ZNF75D: variants seen among roughly 807,000 people sequenced by gnomAD.
The protein encoded by ZNF75D is zinc finger protein 75D, also known as zinc finger protein 75.
Under a neutral mutation model 33.3 loss-of-function variants are expected in ZNF75D, and 33 were observed. The observed-to-expected ratio is 0.99, with a 90% CI of 0.75 to 1.32. ZNF75D has a LOEUF of 1.32. Among genes scored for constraint, ZNF75D ranks in the 40% most tolerant of loss-of-function variants. The pLI is 0.00. For synonymous variants in ZNF75D, 113 were observed against 130.6 expected (o/e 0.87, Z 0.92); for missense variants, 338 against 367.5 (o/e 0.92, Z 0.66).
At chrX:135,333,975 C>T (rs2084680822) in intron 1 of ZNF75D, among the ~76,000 whole-genome samples, 1 of 111,842 alleles carries the variant, frequency 8.9e-6, no homozygotes, top group Non-Finnish European at 1.9e-5. Flanking sequence ...AAAATTCCCC[C>T]TTAATAATCC....
intron 5 of ZNF75D, 107 bp from the exon 6 acceptor site, chrX:135,291,242 C>T (rs1314200220): frequency 9.9e-7 from 1 of 1,009,451 alleles, no homozygotes; most frequent in Non-Finnish European, 1.4e-6. Flanking sequence ...GTGAACAGTA[C>T]AAGATTTAGG....
At chrX:135,300,289 T>G (rs1327511038) in intron 1 of ZNF75D, among the ~76,000 whole-genome samples, 1 of 111,846 alleles carries the variant, frequency 8.9e-6, no homozygotes, top group Non-Finnish European at 1.9e-5. Flanking sequence ...ATGAACTGAA[T>G]GTTATAAAGC....
chrX:135,339,323 C>T (rs149294212), intron 1 of ZNF75D, among the ~76,000 whole-genome samples: 2,503 of 112,067 alleles, frequency 0.022, 61 homozygotes, highest in Admixed American at 0.097. Context: ...TCTTGCTGAC[C>T]AGTCTTCTCA....
intron 1 of ZNF75D, among the ~76,000 whole-genome samples, chrX:135,315,846 A>C (rs2084413696): frequency 8.9e-6 from 1 of 111,957 alleles, no homozygotes; most frequent in Admixed American, 9.4e-5. Context: ...TATCATAGGC[A>C]GCACGTAGTT....
At chrX:135,274,170 T>C (rs1423065982) in intron 1 of ZNF75D, among the ~76,000 whole-genome samples, 1 of 112,176 alleles carries the variant, frequency 8.9e-6, no homozygotes, top group Non-Finnish European at 1.9e-5. Flanking sequence ...TATTTGTATG[T>C]ACACTTATAG....
rs782539023 is a variant in ZNF75D at position 135,287,570 on chromosome X, C to T, written c.1100G>A (p.Cys367Tyr). 1.7e-6 allele frequency: 2 copies of T among 1,211,848 alleles called. No homozygotes were observed. Among genetic ancestry groups the T allele is most frequent in the Non-Finnish European group, 2.2e-6 (2 of 895,490 alleles). The change falls in exon 7 of 7, where the codon TGT becomes TAT. Residue 367 changes from cysteine (C) to tyrosine (Y), a missense_variant. Around this residue, in one of 3 missense-constraint regions of ZNF75D, gnomAD observed 254 missense variants for 267.7 expected, o/e 0.95. Transcript: ENST00000370766. ...TCTGAAGCTTTTCCCACATTCCTGACACTTAAAAGGTTTCTCCCCTGTGGG... is the reference window on the plus strand; with the variant it reads ...TCTGAAGCTTTTCCCACATTCCTGATACTTAAAAGGTTTCTCCCCTGTGGG... ...KGPTGEKPFK[C>Y]QECGKSFRVS...
chrX:135,262,051 A>G (rs2083844729), intron 1 of ZNF75D, among the ~76,000 whole-genome samples: 1 of 111,577 alleles, frequency 9.0e-6, no homozygotes, highest in South Asian at 3.8e-4. Flanking sequence ...TTCACTTATG[A>G]AGCTTAGTTT....
At chrX:135,262,226 C>G (rs1556415660) in intron 1 of ZNF75D, among the ~76,000 whole-genome samples, 1 of 111,830 alleles carries the variant, frequency 8.9e-6, no homozygotes, top group East Asian at 2.8e-4. Context: ...GCCCTTAACA[C>G]TTTTTCCTTC....
chrX:135,292,992 CAT>C (rs1433336310), intron 3 of ZNF75D, among the ~76,000 whole-genome samples: 1 of 112,111 alleles, frequency 8.9e-6, no homozygotes, highest in East Asian at 2.8e-4. Flanking sequence ...TCTCTCTTCA[CAT>C]GATTTGGTAG....
rs375286145 is a variant in ZNF75D at position 135,290,300 on chromosome X, C to A, written c.823+709G>T. Among the ~76,000 whole-genome samples the A allele has an allele frequency of 2.7e-5, 3 of 111,614 alleles. No individual in the cohort carries two copies. The East Asian group carries it at 8.4e-4, about 31-fold the overall frequency. On this transcript the variant is annotated intron_variant, in intron 6 of 6. Transcript: ENST00000370766. Reference sequence around the variant, plus strand: ...CCATTCCTAAATTTAGGGTTTATTTCCAACTAGATCAAAATAAATGTAAGT... The same window carrying A: ...CCATTCCTAAATTTAGGGTTTATTTACAACTAGATCAAAATAAATGTAAGT...
chrX:135,263,299 C>A (rs1461450155), intron 1 of ZNF75D, among the ~76,000 whole-genome samples: 2 of 112,837 alleles, frequency 1.8e-5, no homozygotes, highest in African/African-American at 6.4e-5. Context: ...CATAGTCTGT[C>A]CATTCTCAGA....
chrX:135,308,188 G>A (rs1308014476), intron 1 of ZNF75D, among the ~76,000 whole-genome samples: 2 of 112,318 alleles, frequency 1.8e-5, no homozygotes, highest in Non-Finnish European at 3.8e-5. Context: ...TTGGCATTAC[G>A]TTCTGAGAGC....
intron 1 of ZNF75D, among the ~76,000 whole-genome samples, chrX:135,327,155 T>A (rs781783168): frequency 1.8e-5 from 2 of 112,599 alleles, no homozygotes; most frequent in Non-Finnish European, 3.8e-5. Context: ...GCCATGTCTG[T>A]ATGTAATGAT....
Position 135,319,203 on chromosome X carries a change from CATT to C in ZNF75D, c.-391+22562_-391+22564del, listed in dbSNP as rs1168251251. On this transcript the variant is annotated intron_variant, in intron 1 of 6. Transcript: ENST00000370766. The stretch of plus-strand genomic sequence containing the variant: ...ATTACTGCCATTTCTGTATAGAGAA[CATT>C]ATTTAGAATACCTACTATTGAGTTC... Among the ~76,000 whole-genome samples the C allele has an allele frequency of 6.2e-5, 7 of 112,465 alleles. No individual in the cohort carries two copies. The East Asian group carries it at 2.0e-3, about 31-fold the overall frequency.
intron 1 of ZNF75D, among the ~76,000 whole-genome samples, chrX:135,306,288 TACACACACACAC>T (rs57049630): frequency 8.9e-4 from 74 of 83,230 alleles, no homozygotes; most frequent in South Asian, 2.0e-3. Context: ...CAGAGATACA[TACACACACACAC>T]ACACACACAC....
chrX:135,293,678 A>C (rs2084080965), intron 3 of ZNF75D, 52 bp downstream of exon 3: 1 of 1,079,184 alleles, frequency 9.3e-7, no homozygotes, highest in Admixed American at 2.9e-5. Context: ...CCATTCTGAT[A>C]TATCCACTTT....
At chrX:135,292,591 T>G in intron 3 of ZNF75D, 118 bp from the exon 4 acceptor site, 1 of 561,075 alleles carries the variant, frequency 1.8e-6, no homozygotes. Flanking sequence ...AGAGAAGTAA[T>G]AAAAAGAATG....
chrX:135,320,613 T>A (rs1218438895), intron 1 of ZNF75D, among the ~76,000 whole-genome samples: 3 of 111,871 alleles, frequency 2.7e-5, no homozygotes, highest in African/African-American at 9.8e-5. Flanking sequence ...TGTTTATCCA[T>A]ATTAGGTAAC....
At chrX:135,322,899 G>A (rs1190199676) in intron 1 of ZNF75D, among the ~76,000 whole-genome samples, 1 of 111,882 alleles carries the variant, frequency 8.9e-6, no homozygotes, top group African/African-American at 3.3e-5. Context: ...AAGAGTATAG[G>A]GGGTACTTTG....
Sources: gnomAD v4.1 joint callset for allele counts (sites outside exome capture counted in the v4.1 genomes callset) on GRCh38, gnomAD v4.1.1 for gene constraint, gnomAD v4.1.1 regional missense constraint, MANE v1.5 for transcripts, NCBI Gene and HGNC (gene_info 2026-07-23, HGNC 2026-07-21) for gene names.